Variants in FAM163A observed in about 807,000 individuals in gnomAD.
The protein encoded by FAM163A is family with sequence similarity 163 member A.
FAM163A carries 7 observed loss-of-function variants against 12.0 expected under a neutral mutation model. That is an observed-to-expected ratio of 0.58 (90% CI 0.33 to 1.10). The LOEUF is 1.10. Ranked by LOEUF, FAM163A falls within the 50% of genes least tolerant of loss-of-function variation. FAM163A has a pLI of 0.03. For synonymous variants in FAM163A, 101 were observed against 91.0 expected (o/e 1.11, Z -0.62); for missense variants, 202 against 218.6 (o/e 0.92, Z 0.48).
intron 1 of FAM163A, among the ~76,000 whole-genome samples, chr1:179,750,802 AC>A (rs1685164553): frequency 6.6e-6 from 1 of 152,162 alleles, no homozygotes; most frequent in Admixed American, 6.5e-5. Flanking sequence ...ATCCAGGGAA[AC>A]CTGTTAGCAG....
intron 1 of FAM163A, among the ~76,000 whole-genome samples, chr1:179,797,043 C>T (rs1384645685): frequency 1.3e-5 from 2 of 152,224 alleles, no homozygotes; most frequent in Non-Finnish European, 2.9e-5. Context: ...AGTTTAGAAT[C>T]AGCACATCCT....
intron 1 of FAM163A, among the ~76,000 whole-genome samples, chr1:179,779,152 G>A (rs1689384499): frequency 6.6e-6 from 1 of 152,162 alleles, no homozygotes; most frequent in Non-Finnish European, 1.5e-5. Flanking sequence ...AATCTGGGTA[G>A]TTTTTCTTTT....
chr1:179,771,154 T>G (rs541861123), intron 1 of FAM163A, among the ~76,000 whole-genome samples: 8 of 152,210 alleles, frequency 5.3e-5, no homozygotes, highest in Non-Finnish European at 8.8e-5. Context: ...ACCAGGACAG[T>G]GCCTTCTGAA....
Position 179,813,180 on chromosome 1 carries a change from G to A in FAM163A, c.83G>A (p.Cys28Tyr). 6.4e-7 allele frequency: 1 copy of A among 1,551,756 alleles called. No homozygotes were observed. The highest frequency in any genetic ancestry group is 8.7e-7 in the Non-Finnish European group (1 of 1,146,984). Residue 28 changes from cysteine (C) to tyrosine (Y), a missense_variant, in exon 4 of 5, where the codon TGC becomes TAC. Coordinates refer to ENST00000341785, the MANE Select transcript of FAM163A (RefSeq NM_173509.3). ...TGCATCATTGCCGTCCTGTGCTACT[G>A]CAGGCTCCAGGTCAGTCCCCGGGAC... ...LLCIIAVLCY[C>Y]RLQYYCCKKS... is the part of the protein sequence containing the mutation.
In FAM163A at chr1:179,814,196, C is replaced by G. The variant is rs756903129; in HGVS notation, c.*7C>G. 1.3e-6 allele frequency: 2 copies of G among 1,596,688 alleles called. No homozygotes were observed. Among genetic ancestry groups the G allele is most frequent in the South Asian group, 2.3e-5 (2 of 88,548 alleles). ...TATTAGTACAGACGTGTAAATCCTT[C>G]CACCCCGACCCGCACACACACCCAC... is the stretch of plus-strand genomic sequence containing the variant. On this transcript the variant is annotated 3_prime_UTR_variant, in exon 5 of 5. Transcript: ENST00000341785.
In FAM163A at chr1:179,814,808, A is replaced by G. The variant is rs1478283455; in HGVS notation, c.*619A>G. 6.6e-6 allele frequency: 1 copy of G among 152,630 alleles called. No individual in the cohort carries two copies. Among genetic ancestry groups the G allele is most frequent in the African/African-American group, 2.4e-5 (1 of 41,428 alleles). The allele number at this position is 152,630 out of a possible 1,614,324, so 9.5% of individuals were successfully genotyped here. ...AGGGTCGTTGATTCCTGAACGTATC[A>G]CATCTCACCTGCCCCCTTCCTCGTG... On this transcript the variant is annotated 3_prime_UTR_variant, in exon 5 of 5. Coordinates refer to ENST00000341785, the MANE Select transcript of FAM163A (RefSeq NM_173509.3).
At chr1:179,811,627 C>T (rs1370589874) in intron 2 of FAM163A, among the ~76,000 whole-genome samples, 1 of 152,156 alleles carries the variant, frequency 6.6e-6, no homozygotes, top group African/African-American at 2.4e-5. Flanking sequence ...AGGTGCAGCC[C>T]TCTAAGAGGA....
chr1:179,750,114 G>A (rs1215497135), intron 1 of FAM163A, among the ~76,000 whole-genome samples: 1 of 152,148 alleles, frequency 6.6e-6, no homozygotes, highest in East Asian at 1.9e-4. Context: ...GACTTATCAA[G>A]GACAATATCA....
intron 1 of FAM163A, among the ~76,000 whole-genome samples, chr1:179,805,968 C>T (rs995618168): frequency 3.9e-5 from 6 of 152,206 alleles, no homozygotes; most frequent in Non-Finnish European, 7.3e-5. Flanking sequence ...CGCCTGCAGC[C>T]TCTTCAGTTC....
chr1:179,787,073 T>C (rs888404360), intron 1 of FAM163A, among the ~76,000 whole-genome samples: 2 of 152,244 alleles, frequency 1.3e-5, no homozygotes, highest in Non-Finnish European at 2.9e-5. Flanking sequence ...TGACATCCTT[T>C]AACATACAAA....
At chr1:179,739,507 T>C (rs1683387407), upstream of FAM163A, among the ~76,000 whole-genome samples, 1 of 147,162 alleles carries the variant, frequency 6.8e-6, no homozygotes, top group East Asian at 2.1e-4. Flanking sequence ...TTTTAAACTT[T>C]CTTAAAACAT....
chr1:179,781,153 G>A (rs914292837), intron 1 of FAM163A, among the ~76,000 whole-genome samples: 3 of 152,074 alleles, frequency 2.0e-5, no homozygotes, highest in Non-Finnish European at 4.4e-5. Flanking sequence ...TGAGAGAGGA[G>A]CATGGGGCCT....
At chr1:179,799,930 G>T (rs982896200) in intron 1 of FAM163A, among the ~76,000 whole-genome samples, 29 of 152,260 alleles carry the variant, frequency 1.9e-4, no homozygotes, top group Non-Finnish European at 4.0e-4. Context: ...GATCAGAAAA[G>T]TCTGGGAGCT....
the FAM163A span, among the ~76,000 whole-genome samples, chr1:179,736,022 T>C: frequency 6.6e-6 from 1 of 152,172 alleles, no homozygotes; most frequent in Non-Finnish European, 1.5e-5. Context: ...ATACACAAAA[T>C]GTTAACTCAA....
At chr1:179,779,391 C>G (rs1689422853) in intron 1 of FAM163A, among the ~76,000 whole-genome samples, 1 of 152,138 alleles carries the variant, frequency 6.6e-6, no homozygotes, top group Admixed American at 6.5e-5. Flanking sequence ...GTGGTTAAAG[C>G]AGGCCTTGGA....
At chr1:179,744,853 A>G (rs546458327) in intron 1 of FAM163A, among the ~76,000 whole-genome samples, 53 of 152,310 alleles carry the variant, frequency 3.5e-4, no homozygotes, top group African/African-American at 1.2e-3. Context: ...GCTGAGCCAG[A>G]CACATGTTTT....
rs1276100599 is a variant in FAM163A, at chr1:179,813,110, A to G, written c.13A>G (p.Thr5Ala). The change falls in exon 4 of 5, where the codon ACG (threonine) becomes GCG (alanine). Residue 5 changes from threonine (T) to alanine (A), a missense_variant. Coordinates refer to ENST00000341785, the MANE Select transcript of FAM163A (RefSeq NM_173509.3). ...GGGCGCCGGGCGGATGACAGCGGGAACGGTTGTGATCACTGGCGGAATCCT... is the reference window on the plus strand; with the variant it reads ...GGGCGCCGGGCGGATGACAGCGGGAGCGGTTGTGATCACTGGCGGAATCCT... The part of the protein sequence containing the change: MTAG[T>A]VVITGGILAT... 5 of 1,551,340 alleles carry G rather than the reference A, an allele frequency of 3.2e-6. No homozygotes were observed. Among genetic ancestry groups the G allele is most frequent in the Non-Finnish European group, 3.5e-6 (4 of 1,146,818 alleles).
chr1:179,807,251 A>G (rs1313761438), intron 1 of FAM163A, among the ~76,000 whole-genome samples: 1 of 152,184 alleles, frequency 6.6e-6, no homozygotes, highest in East Asian at 1.9e-4. Flanking sequence ...CAGCAGCCTG[A>G]ACTTGCTCAT....
intron 4 of FAM163A, 102 bp downstream of exon 4, chr1:179,813,292 C>T: frequency 8.8e-7 from 1 of 1,141,590 alleles, no homozygotes; most frequent in Non-Finnish European, 1.3e-6. Context: ...GCCCACAGAG[C>T]CCAAAGCTAT....
Sources: gnomAD v4.1 joint callset for allele counts (sites outside exome capture counted in the v4.1 genomes callset) on GRCh38, gnomAD v4.1.1 for gene constraint, MANE v1.5 for transcripts, NCBI Gene and HGNC (gene_info 2026-07-23, HGNC 2026-07-21) for gene names.